Variants in ZNF69 observed in about 807,000 individuals in gnomAD.
The protein encoded by ZNF69 is zinc finger protein 69.
Under a neutral mutation model 50.9 loss-of-function variants are expected in ZNF69, and 47 were observed. The ratio of observed to expected loss-of-function variants is 0.92; its 90% CI spans 0.73 to 1.18. The LOEUF (loss-of-function observed/expected upper bound fraction) is 1.18, where lower values mean the gene tolerates loss of function less well. ZNF69 is among the 50% of genes most tolerant of loss of function. The probability of loss-of-function intolerance (pLI) is 0.00; values close to 1 mark genes in which losing one functional copy is unlikely to be tolerated. For synonymous variants in ZNF69, 216 were observed against 223.1 expected, an observed-to-expected ratio of 0.97 and a Z score of 0.29; for missense variants, 717 against 675.1, an observed-to-expected ratio of 1.06 and a Z score of -0.69.
chr19:11,919,126 C>A (rs901951194), downstream of ZNF69, among the ~76,000 whole-genome samples: 2 of 152,090 alleles, frequency 1.3e-5, no homozygotes, highest in East Asian at 3.9e-4. Context: ...CAATCTCCTG[C>A]CCTCGTGATC....
At chr19:11,940,850 TAC>T in the ZNF69 span, among the ~76,000 whole-genome samples, 1 of 152,238 alleles carries the variant, frequency 6.6e-6, no homozygotes, top group South Asian at 2.1e-4. Flanking sequence ...ATTAGCTAGA[TAC>T]AGAGTGTTGA....
intron 1 of ZNF69, among the ~76,000 whole-genome samples, chr19:11,893,698 G>A (rs182722502): frequency 5.3e-5 from 8 of 152,220 alleles, no homozygotes; most frequent in Non-Finnish European, 1.0e-4. Context: ...CATGTCTCCC[G>A]GAGGGTCTCA....
intron 1 of ZNF69, among the ~76,000 whole-genome samples, chr19:11,890,122 C>G (rs954280792): frequency 5.9e-5 from 9 of 152,176 alleles, no homozygotes; most frequent in African/African-American, 2.2e-4. Context: ...GAGACAGAAG[C>G]CTTCCTCTTA....
chr19:11,975,326 C>T, the ZNF69 span, among the ~76,000 whole-genome samples: 1 of 152,022 alleles, frequency 6.6e-6, no homozygotes, highest in African/African-American at 2.4e-5. Flanking sequence ...GCCCCACCCA[C>T]ACCCCCCAAA....
chr19:11,942,918 T>G, the ZNF69 span, among the ~76,000 whole-genome samples: 5 of 152,182 alleles, frequency 3.3e-5, no homozygotes, highest in African/African-American at 9.7e-5. Flanking sequence ...TTCCCCCCTT[T>G]GAGAATCTCA....
chr19:11,934,676 G>A, the ZNF69 span, among the ~76,000 whole-genome samples: 6 of 147,252 alleles, frequency 4.1e-5, no homozygotes, highest in South Asian at 2.1e-4. Context: ...ACAGGCGTGC[G>A]CTGCCTCTCC....
the ZNF69 span, among the ~76,000 whole-genome samples, chr19:11,963,206 C>G: frequency 6.6e-6 from 1 of 152,020 alleles, no homozygotes; most frequent in Non-Finnish European, 1.5e-5. Flanking sequence ...CCTCCTGCCT[C>G]AGCCTCCTGA....
chr19:11,890,198 A>G (rs551417659), intron 1 of ZNF69, among the ~76,000 whole-genome samples: 2 of 152,264 alleles, frequency 1.3e-5, no homozygotes, highest in Admixed American at 6.5e-5. Context: ...TAGGGGTGTC[A>G]GGCTGGGGGA....
intron 1 of ZNF69, among the ~76,000 whole-genome samples, chr19:11,890,412 T>C (rs1977056985): frequency 6.6e-6 from 1 of 152,226 alleles, no homozygotes; most frequent in Non-Finnish European, 1.5e-5. Context: ...AGGCACATCC[T>C]GCACAGCCCT....
chr19:11,905,651 T>G lies in ZNF69; in HGVS notation c.1254T>G (p.Cys418Trp). 1 of 1,612,694 alleles carries G rather than the reference T, an allele frequency of 6.2e-7. No homozygotes were observed. The highest frequency in any genetic ancestry group is 1.3e-5 in the African/African-American group (1 of 74,452). Reference protein sequence around the residue: ...RIHTGEKPYECKQCGKAFRSS... With the variant: ...RIHTGEKPYEWKQCGKAFRSS... The stretch of plus-strand genomic sequence containing the variant: ...ACACTGGAGAGAAACCCTATGAGTG[T>G]AAGCAATGTGGGAAGGCCTTCAGAT... Residue 418 changes from cysteine (C) to tryptophan (W), a missense_variant, in exon 4 of 4, where the codon TGT (cysteine) becomes TGG (tryptophan). By Grantham distance (215) the Cys-to-Trp change is radical. Coordinates refer to ENST00000429654, the MANE Select transcript of ZNF69 (RefSeq NM_001364730.1).
intron 1 of ZNF69, among the ~76,000 whole-genome samples, chr19:11,891,784 T>A (rs1977095010): frequency 6.6e-6 from 1 of 152,176 alleles, no homozygotes; most frequent in African/African-American, 2.4e-5. Flanking sequence ...GTTTTCTTCA[T>A]GGGAAACTTT....
chr19:11,889,017 G>A (rs1482093571), intron 1 of ZNF69, among the ~76,000 whole-genome samples: 1 of 152,226 alleles, frequency 6.6e-6, no homozygotes, highest in Non-Finnish European at 1.5e-5. Context: ...CCTGTGGAAG[G>A]GGGGTTAGAA....
At chr19:11,964,580 A>G in the ZNF69 span, among the ~76,000 whole-genome samples, 2 of 152,084 alleles carry the variant, frequency 1.3e-5, no homozygotes, top group East Asian at 3.9e-4. Flanking sequence ...TGTGTGAGCA[A>G]GGCTTGGCCA....
the ZNF69 span, among the ~76,000 whole-genome samples, chr19:11,944,373 C>G: frequency 3.3e-5 from 5 of 152,190 alleles, no homozygotes; most frequent in South Asian, 8.3e-4. Context: ...TCTTGACACA[C>G]TTTCCCTAAA....
the ZNF69 span, chr19:11,979,481 G>C: frequency 1.9e-6 from 3 of 1,602,916 alleles, no homozygotes. Context: ...ATGTGGGAAA[G>C]GCTTTTATTC....
At chr19:11,961,212 C>T in the ZNF69 span, among the ~76,000 whole-genome samples, 4 of 152,114 alleles carry the variant, frequency 2.6e-5, no homozygotes, top group Admixed American at 2.0e-4. Flanking sequence ...AAAAGAGGGC[C>T]CTCATAATGG....
chr19:11,960,397 A>G, the ZNF69 span, among the ~76,000 whole-genome samples: 1 of 152,118 alleles, frequency 6.6e-6, no homozygotes, highest in South Asian at 2.1e-4. Context: ...CTCACTGCCC[A>G]CTGCAGCATT....
At chr19:11,898,256 A>C (rs1743033243) in intron 1 of ZNF69, among the ~76,000 whole-genome samples, 2 of 152,128 alleles carry the variant, frequency 1.3e-5, no homozygotes, top group African/African-American at 4.8e-5. Flanking sequence ...CCTTATATGG[A>C]ATGATAGTTA....
the ZNF69 span, among the ~76,000 whole-genome samples, chr19:11,925,490 G>A: frequency 6.6e-6 from 1 of 152,150 alleles, no homozygotes; most frequent in Non-Finnish European, 1.5e-5. Context: ...CGCGGCGACT[G>A]CGGCCGCGGC....
Sources: gnomAD v4.1 joint callset for allele counts (sites outside exome capture counted in the v4.1 genomes callset) on GRCh38, gnomAD v4.1.1 for gene constraint, MANE v1.5 for transcripts, NCBI Gene and HGNC (gene_info 2026-07-23, HGNC 2026-07-21) for gene names.